Variants in ACACA observed in about 807,000 individuals in gnomAD.
ACACA encodes acetyl-CoA carboxylase alpha.
A neutral mutation model predicts 296.1 loss-of-function variants in ACACA; 103 were observed. The observed-to-expected ratio is 0.35, with a 90% CI of 0.30 to 0.41. ACACA has a LOEUF of 0.41. Among genes scored for constraint, ACACA ranks in the 10% least tolerant of loss-of-function variants. ACACA has a pLI of 1.00. For missense variants in ACACA, 1,554 were observed against 2,989.7 expected, an observed-to-expected ratio of 0.52 and a Z score of 11.20; for synonymous variants, 953 against 1,038.6, an observed-to-expected ratio of 0.92 and a Z score of 1.58.
In ACACA at chr17:37,401,686, G is replaced by C. The variant is rs148966929; in HGVS notation, c.38+4576C>G. ...TGATTCTCCTACCTCAGCCTCCCAA[G>C]TAGCTGGGACCACAGGCGTGTGCTA... On this transcript the variant is annotated intron_variant, in intron 1 of 55. Transcript: ENST00000616317. Among the ~76,000 whole-genome samples, 476 of 151,788 alleles carry C rather than the reference G, an allele frequency of 3.1e-3. 2 individuals carry two copies. The highest frequency in any genetic ancestry group is 0.017 in the Middle Eastern group (5 of 294).
At chr17:37,246,781 C>T in intron 19 of ACACA, 45 bp downstream of exon 19, 1 of 1,609,430 alleles carries the variant, frequency 6.2e-7, no homozygotes, top group Non-Finnish European at 8.5e-7. Flanking sequence ...GACCCTTTTC[C>T]TACCTTCCCC....
At chr17:37,139,432 T>A (rs750155976) in intron 45 of ACACA, among the ~76,000 whole-genome samples, 2 of 152,186 alleles carry the variant, frequency 1.3e-5, no homozygotes, top group Non-Finnish European at 2.9e-5. Context: ...ATGGATGAAG[T>A]GAGCCAGAGA....
chr17:37,226,497 G>T (rs1399107381), intron 25 of ACACA, 45 bp from the exon 26 acceptor site: 2 of 1,467,364 alleles, frequency 1.4e-6, no homozygotes, highest in African/African-American at 2.8e-5. Flanking sequence ...ATATTAAAAA[G>T]AACAGGTGGA....
intron 45 of ACACA, chr17:37,141,497 G>C: frequency 4.3e-6 from 1 of 233,538 alleles, no homozygotes; most frequent in East Asian, 1.2e-4. Flanking sequence ...TGAACTCCTG[G>C]CCTCAAGCCA....
chr17:37,210,634 C>T, intron 29 of ACACA, 144 bp from the exon 30 acceptor site: 2 of 734,314 alleles, frequency 2.7e-6, no homozygotes, highest in Non-Finnish European at 4.8e-6. Flanking sequence ...TGCTCATTAC[C>T]CTTCAACCCC....
At chr17:37,372,707 C>A (rs1379286722) in intron 1 of ACACA, among the ~76,000 whole-genome samples, 1 of 152,088 alleles carries the variant, frequency 6.6e-6, no homozygotes, top group African/African-American at 2.4e-5. Context: ...AAACTCATAA[C>A]TTTTTTCCTG....
intron 5 of ACACA, 144 bp downstream of exon 5, chr17:37,283,123 T>G: frequency 9.7e-7 from 1 of 1,032,726 alleles, no homozygotes; most frequent in Non-Finnish European, 1.4e-6. Context: ...ACTGACACAT[T>G]TTAAACAGAA....
At chr17:37,155,518 G>C (rs536001798) in intron 43 of ACACA, among the ~76,000 whole-genome samples, 165 bp downstream of exon 43, 17 of 152,128 alleles carry the variant, frequency 1.1e-4, no homozygotes, top group African/African-American at 3.9e-4. Flanking sequence ...ATAACCCAAG[G>C]TTCTTCAGCT....
At position 37,149,939 on chromosome 17, in the gene ACACA, A is replaced by G. The variant is rs2075968057; in HGVS notation, c.5604T>C (p.Leu1868=). The change falls in exon 45 of 56, where the codon CTT becomes CTC. Residue 1868 remains leucine, a synonymous_variant. Transcript: ENST00000616317. ...TCRAIGIGAY[L]VRLGQRTIQV... is the part of the protein sequence containing the mutation. ...GGATGGTTCTCTGTCCCAGCCGGAC[A>G]AGGTAAGCCCCAATCCCAATGGCCC... 1.2e-6 allele frequency: 2 copies of G among 1,614,118 alleles called. No individual in the cohort carries two copies. Among genetic ancestry groups the G allele is most frequent in the African/African-American group, 2.7e-5 (2 of 74,950 alleles).
At position 37,089,503 on chromosome 17, in the gene ACACA, C is replaced by T. The variant is rs369510950; in HGVS notation, c.6892-429G>A. On this transcript the variant is annotated intron_variant, in intron 54 of 55. Transcript: ENST00000616317. ...TGTTTTGCTCTCAGAGGAGCTGAGA[C>T]ACAATGCCTAAAGTATAAGTCTCTA... 1.5e-4 allele frequency among the ~76,000 whole-genome samples: 23 copies of T among 152,328 alleles called. No individual in the cohort carries two copies. The East Asian group carries it at 3.1e-3, about 20-fold the overall frequency.
intron 3 of ACACA, among the ~76,000 whole-genome samples, chr17:37,327,907 C>T (rs530936694): frequency 1.3e-5 from 2 of 152,274 alleles, no homozygotes; most frequent in South Asian, 4.1e-4. Context: ...GTCACAACCC[C>T]CCAACACACT....
intron 1 of ACACA, among the ~76,000 whole-genome samples, chr17:37,347,859 C>T (rs2048703936): frequency 6.6e-6 from 1 of 150,804 alleles, no homozygotes; most frequent in African/African-American, 2.4e-5. Context: ...TAAAGAAAAG[C>T]TTTCACAAAT....
At chr17:37,247,886 TA>T in intron 18 of ACACA, 124 bp downstream of exon 18, 2 of 1,102,340 alleles carry the variant, frequency 1.8e-6, no homozygotes, top group Non-Finnish European at 2.6e-6. Flanking sequence ...GTGCATGTAC[TA>T]TTTTTTTTTT....
intron 3 of ACACA, among the ~76,000 whole-genome samples, chr17:37,285,235 G>A (rs1313840703): frequency 6.6e-6 from 1 of 152,186 alleles, no homozygotes. Flanking sequence ...AGGATAAATG[G>A]TAGAAATAAT....
intron 35 of ACACA, among the ~76,000 whole-genome samples, chr17:37,199,064 C>T (rs1276448660): frequency 6.6e-6 from 1 of 151,776 alleles, no homozygotes; most frequent in African/African-American, 2.4e-5. Flanking sequence ...ACATGGTGAA[C>T]CCCTGTCTCT....
At chr17:37,262,692 T>C (rs977275864) in intron 11 of ACACA, among the ~76,000 whole-genome samples, 7 of 152,218 alleles carry the variant, frequency 4.6e-5, no homozygotes, top group Admixed American at 3.3e-4. Flanking sequence ...GAAAGAGAAA[T>C]AGAAACTTAC....
intron 3 of ACACA, among the ~76,000 whole-genome samples, chr17:37,294,711 G>A (rs755810440): frequency 2.0e-5 from 3 of 152,178 alleles, no homozygotes; most frequent in Non-Finnish European, 2.9e-5. Context: ...TTGCAACTGC[G>A]AGAGAAAATT....
At position 37,390,163 on chromosome 17, in the gene ACACA, T is replaced by C. The variant is rs1490481051; in HGVS notation, c.38+16099A>G. Among the ~76,000 whole-genome samples, 198 of 38,474 alleles carry C rather than the reference T, an allele frequency of 5.1e-3. 13 individuals are homozygous for C. The highest frequency in any genetic ancestry group is 0.041 in the East Asian group (12 of 296). 25.2% of individuals were successfully genotyped at this position (38,474 alleles called of 152,430 possible). On this transcript the variant is annotated intron_variant, in intron 1 of 55. Transcript: ENST00000616317. ...AAGTATATATATATATATATATATATATATATATATATACACACACACATT... is the reference window on the plus strand; with the variant it reads ...AAGTATATATATATATATATATATACATATATATATATACACACACACATT...
At chr17:37,105,652 G>A (rs1352846337) in intron 52 of ACACA, among the ~76,000 whole-genome samples, 1 of 151,954 alleles carries the variant, frequency 6.6e-6, no homozygotes, top group African/African-American at 2.4e-5. Flanking sequence ...ATCACCTGAG[G>A]TCGGGAGTTC....
Sources: gnomAD v4.1 joint callset for allele counts (sites outside exome capture counted in the v4.1 genomes callset) on GRCh38, gnomAD v4.1.1 for gene constraint, MANE v1.5 for transcripts, NCBI Gene and HGNC (gene_info 2026-07-23, HGNC 2026-07-21) for gene names.